RASGEF1C: variants seen among roughly 807,000 people sequenced by gnomAD.
The protein encoded by RASGEF1C is ras-GEF domain-containing family member 1C.
A neutral mutation model predicts 58.1 loss-of-function variants in RASGEF1C; 27 were observed. The observed-to-expected ratio is 0.46, with a 90% confidence interval of 0.34 to 0.64. RASGEF1C has a LOEUF of 0.64. RASGEF1C is among the 30% of genes least tolerant of loss of function. The pLI is 0.01. For missense variants in RASGEF1C, 502 were observed against 605.1 expected (o/e 0.83, Z 1.79); for synonymous variants, 243 against 246.3 (o/e 0.99, Z 0.13).
intron 6 of RASGEF1C, among the ~76,000 whole-genome samples, 169 bp from the exon 7 acceptor site, chr5:180,121,318 A>G (rs1419258608): frequency 1.4e-5 from 2 of 147,826 alleles, no homozygotes; most frequent in Admixed American, 6.7e-5. Context: ...TTAAAAGTAC[A>G]TTTTTTTTTT....
chr5:180,119,730 G>C (rs764864757), intron 7 of RASGEF1C, among the ~76,000 whole-genome samples: 14 of 151,912 alleles, frequency 9.2e-5, no homozygotes, highest in African/African-American at 1.2e-4. Context: ...CCCCTCCAGC[G>C]CCCTCCTCCC....
chr5:180,150,328 G>T (rs1766726504), intron 1 of RASGEF1C, among the ~76,000 whole-genome samples: 1 of 152,092 alleles, frequency 6.6e-6, no homozygotes, highest in Non-Finnish European at 1.5e-5. Context: ...TAGGACAGTT[G>T]TTTCAAAGCC....
At chr5:180,136,327 G>A (rs1315603263) in intron 4 of RASGEF1C, 51 bp downstream of exon 4, 1 of 1,520,238 alleles carries the variant, frequency 6.6e-7, no homozygotes, top group Non-Finnish European at 8.9e-7. Context: ...ACAGGCGCAG[G>A]CCTGGGACGG....
At chr5:180,107,678 G>T (rs1765893497) in intron 12 of RASGEF1C, among the ~76,000 whole-genome samples, 1 of 152,040 alleles carries the variant, frequency 6.6e-6, no homozygotes, top group African/African-American at 2.4e-5. Context: ...GCACAATCTT[G>T]GCTCACTGCA....
rs1766605831 is a variant in RASGEF1C at position 180,143,014 on chromosome 5, G to A, written c.-6-4956C>T. On this transcript the variant is annotated intron_variant, in intron 1 of 13. Transcript: ENST00000361132. The surrounding 1 kb of genome is among the most constrained non-coding windows in gnomAD (Gnocchi z 4.3). ...CTCGGTTTCCCTCTCCATGGCTCCT[G>A]TCCCACTGCCTGGCCCCCAGCCCCT... 6.6e-6 allele frequency among the ~76,000 whole-genome samples: 1 copy of A among 152,158 alleles called. No homozygotes were observed. The highest frequency in any genetic ancestry group is 2.1e-4 in the South Asian group (1 of 4,830).
chr5:180,198,334 C>T lies in RASGEF1C; in HGVS notation c.-7+10694G>A, dbSNP rs1273653811. On this transcript the variant is annotated intron_variant, in intron 1 of 13. Transcript: ENST00000361132. The surrounding 1 kb of genome is among the most constrained non-coding windows in gnomAD (Gnocchi z 4.5). ...AAGGCATACTGGACGCCTGCCTTGG[C>T]CAGCTCTGGCGTTGAGAGCCCCATC... Among the ~76,000 whole-genome samples the T allele has an allele frequency of 2.6e-5, 4 of 152,188 alleles. No homozygotes were observed. Among genetic ancestry groups the T allele is most frequent in the Non-Finnish European group, 5.9e-5 (4 of 68,038 alleles).
intron 1 of RASGEF1C, among the ~76,000 whole-genome samples, chr5:180,141,804 G>T (rs546343373): frequency 2.4e-4 from 36 of 151,242 alleles, no homozygotes; most frequent in African/African-American, 8.8e-4. Flanking sequence ...CCACCTCCCA[G>T]GTTCAAGGGA....
intron 12 of RASGEF1C, among the ~76,000 whole-genome samples, chr5:180,105,649 C>CT (rs1384127174): frequency 6.6e-6 from 1 of 151,730 alleles, no homozygotes; most frequent in Non-Finnish European, 1.5e-5. Context: ...TGGTGGATCA[C>CT]TTGAGGTCAG....
chr5:180,149,339 GCCTCCCAAAGT>G (rs1766710641), intron 1 of RASGEF1C, among the ~76,000 whole-genome samples: 1 of 151,490 alleles, frequency 6.6e-6, no homozygotes, highest in Admixed American at 6.6e-5. Flanking sequence ...GCCCACCTCA[GCCTCCCAAAGT>G]GCTGGGATTA....
Position 180,198,668 on chromosome 5 carries a change from A to G in RASGEF1C, c.-7+10360T>C, listed in dbSNP as rs1286207643. On this transcript the variant is annotated intron_variant, in intron 1 of 13. Coordinates refer to ENST00000361132, the MANE Select transcript of RASGEF1C (RefSeq NM_175062.4). This position sits in a 1 kb window ranked among gnomAD's most constrained non-coding sequence, Gnocchi z 4.5. Reference sequence around the variant, plus strand: ...CTACCCATGAAAGGCTCCACCTCTCAATACAATCACACTGGCAATTACGTT... The same window carrying G: ...CTACCCATGAAAGGCTCCACCTCTCGATACAATCACACTGGCAATTACGTT... Among the ~76,000 whole-genome samples the G allele has an allele frequency of 1.3e-5, 2 of 152,202 alleles. No homozygotes were observed. The highest frequency in any genetic ancestry group is 4.8e-5 in the African/African-American group (2 of 41,442).
At chr5:180,113,046 G>A (rs1240091371) in intron 11 of RASGEF1C, among the ~76,000 whole-genome samples, 1 of 122,674 alleles carries the variant, frequency 8.2e-6, no homozygotes, top group African/African-American at 2.7e-5. Flanking sequence ...GACCGGGGAT[G>A]GACGGAGGGA....
chr5:180,144,191 CA>C, intron 1 of RASGEF1C, among the ~76,000 whole-genome samples: 1 of 152,146 alleles, frequency 6.6e-6, no homozygotes, highest in East Asian at 1.9e-4. Flanking sequence ...CTGTGTGTGC[CA>C]AAAAGACTTG....
At chr5:180,144,270 C>T (rs1291973524) in intron 1 of RASGEF1C, among the ~76,000 whole-genome samples, 1 of 152,166 alleles carries the variant, frequency 6.6e-6, no homozygotes, top group Non-Finnish European at 1.5e-5. Flanking sequence ...CTCTACCTGC[C>T]CATCCAGCCC....
intron 11 of RASGEF1C, among the ~76,000 whole-genome samples, chr5:180,112,820 G>A (rs188062287): frequency 6.2e-4 from 94 of 152,122 alleles, no homozygotes; most frequent in Non-Finnish European, 2.9e-4. Flanking sequence ...AGGGACTCGG[G>A]TGCAGTGACT....
intron 3 of RASGEF1C, 93 bp from the exon 4 acceptor site, chr5:180,136,608 C>A: frequency 7.2e-7 from 1 of 1,388,826 alleles, no homozygotes; most frequent in Non-Finnish European, 9.7e-7. Context: ...CCGCCCGGGG[C>A]AGGCAGGGCC....
rs143395580 is a variant in RASGEF1C at position 180,118,632 on chromosome 5, T to C, written c.1060A>G (p.Thr354Ala). 6.2e-7 allele frequency: 1 copy of C among 1,612,954 alleles called. No individual in the cohort carries two copies. The highest frequency in any genetic ancestry group is 8.5e-7 in the Non-Finnish European group (1 of 1,179,432). ...ACCTTCTCTCGGCTGCTGTGGGCCG[T>C]CAGGGAGCGGTGGGCCGCCCCGCGC... The part of the protein sequence containing the change: ...ALRGAAHRSL[T>A]AHSSREKIVI... Residue 354 changes from threonine (T) to alanine (A), a missense_variant, in exon 10 of 14, where the codon ACG becomes GCG. Thr to Ala is a moderately conservative substitution (Grantham distance 58). Transcript: ENST00000361132.
At chr5:180,173,741 C>G (rs182067563) in intron 1 of RASGEF1C, among the ~76,000 whole-genome samples, 194 of 152,016 alleles carry the variant, frequency 1.3e-3, no homozygotes, top group African/African-American at 4.0e-3. Flanking sequence ...GGTGAAACCC[C>G]GTCTCTACTA....
Position 180,155,177 on chromosome 5 carries a change from C to G in RASGEF1C, c.-6-17119G>C, listed in dbSNP as rs984725309. Reference sequence around the variant, plus strand: ...ACCTCAAGGGAGGAAAGCCCCCAACCCTGAGTATGGGTCTGGACTATGCTA... The same window carrying G: ...ACCTCAAGGGAGGAAAGCCCCCAACGCTGAGTATGGGTCTGGACTATGCTA... On this transcript the variant is annotated intron_variant, in intron 1 of 13. Coordinates refer to ENST00000361132, the MANE Select transcript of RASGEF1C (RefSeq NM_175062.4). This position sits in a 1 kb window ranked among gnomAD's most constrained non-coding sequence, Gnocchi z 5.2. Among the ~76,000 whole-genome samples the G allele has an allele frequency of 6.6e-6, 1 of 152,196 alleles. No individual in the cohort carries two copies. The highest frequency in any genetic ancestry group is 2.4e-5 in the African/African-American group (1 of 41,464).
Position 180,132,053 on chromosome 5 carries a change from G to A in RASGEF1C, c.439-3443C>T, listed in dbSNP as rs76018616. Among the ~76,000 whole-genome samples, 464 of 152,228 alleles carry A rather than the reference G, an allele frequency of 3.0e-3. 1 individual carries two copies. Among genetic ancestry groups the A allele is most frequent in the African/African-American group, 0.01 (436 of 41,534 alleles). ...TCGTGGATAGGAGCTTGGAGATCTC[G>A]CTGGTAGATAAGGGCAGGGCCAGAG... On this transcript the variant is annotated intron_variant, in intron 4 of 13. Transcript: ENST00000361132.
Sources: gnomAD v4.1 joint callset for allele counts (sites outside exome capture counted in the v4.1 genomes callset) on GRCh38, gnomAD v4.1.1 for gene constraint, Gnocchi (gnomAD v3.1) non-coding constraint, MANE v1.5 for transcripts, NCBI Gene and HGNC (gene_info 2026-07-23, HGNC 2026-07-21) for gene names.